ANO4: variants seen among roughly 807,000 people sequenced by gnomAD.
The protein encoded by ANO4 is anoctamin-4.
In ANO4, 69 loss-of-function variants were observed where a neutral mutation model predicts 141.9. The observed-to-expected ratio is 0.49, with a 90% confidence interval of 0.40 to 0.59. ANO4 has a LOEUF of 0.59. Among genes scored for constraint, ANO4 ranks in the 20% least tolerant of loss-of-function variants. ANO4 has a pLI of 0.00. For missense variants in ANO4, 894 were observed against 1,162.2 expected (o/e 0.77, Z 3.36); for synonymous variants, 350 against 394.3 (o/e 0.89, Z 1.33).
chr12:100,929,016 AT>A (rs1431669369), intron 3 of ANO4, among the ~76,000 whole-genome samples: 15 of 152,154 alleles, frequency 9.9e-5, no homozygotes, highest in Non-Finnish European at 1.3e-4. Flanking sequence ...GTATATATTT[AT>A]GGGGTACATG....
At chr12:101,067,404 G>T (rs1472640051) in intron 14 of ANO4, among the ~76,000 whole-genome samples, 3 of 152,164 alleles carry the variant, frequency 2.0e-5, no homozygotes, top group African/African-American at 7.2e-5. Context: ...TTTCTCAAAA[G>T]TGCTGAAGGA....
At chr12:100,806,539 T>C (rs1390349234) in intron 1 of ANO4, among the ~76,000 whole-genome samples, 13 of 44,852 alleles carry the variant, frequency 2.9e-4, no homozygotes, top group African/African-American at 1.7e-3. Flanking sequence ...TTTTTTTTTT[T>C]TTTTTTTTTT....
At chr12:100,962,205 A>G (rs757830014) in intron 5 of ANO4, among the ~76,000 whole-genome samples, 4 of 152,184 alleles carry the variant, frequency 2.6e-5, no homozygotes, top group Non-Finnish European at 5.9e-5. Flanking sequence ...GTGTTTTAAC[A>G]AGGTAATCAA....
At chr12:101,090,633 G>A (rs2049727536) in intron 17 of ANO4, among the ~76,000 whole-genome samples, 1 of 152,048 alleles carries the variant, frequency 6.6e-6, no homozygotes, top group East Asian at 1.9e-4. Context: ...AGCATTAGGA[G>A]ATATACCTAA....
At chr12:101,080,883 T>TATATATATATATATATATACATTATA (rs1491584060) in intron 15 of ANO4, among the ~76,000 whole-genome samples, 19 of 74,100 alleles carry the variant, frequency 2.6e-4, no homozygotes, top group African/African-American at 6.6e-4. Context: ...TATATATATA[T>TATATATATATATATATATACATTATA]TATATATATA....
Position 101,096,552 on chromosome 12 carries a change from G to A in ANO4, c.1755G>A (p.Glu585=). The A allele has an allele frequency of 6.2e-7, 1 of 1,613,542 alleles. No individual in the cohort carries two copies. The highest frequency in any genetic ancestry group is 8.5e-7 in the Non-Finnish European group (1 of 1,179,608). The change falls in exon 19 of 28, where the codon GAG becomes GAA. Residue 585 remains glutamate (E), a synonymous_variant. Transcript: ENST00000392977. ...TGTCCACAGAACAGCCTCGCACAGA[G>A]TCTGAGTGGGAGAACAGCTTCACCC... is the stretch of plus-strand genomic sequence containing the variant. The part of the protein sequence containing the change: ...LLTNLEQPRT[E]SEWENSFTLK...
At chr12:101,104,283 C>T (rs1325863075) in intron 22 of ANO4, among the ~76,000 whole-genome samples, 1 of 151,594 alleles carries the variant, frequency 6.6e-6, no homozygotes, top group Non-Finnish European at 1.5e-5. Flanking sequence ...CTTAATTTCA[C>T]TTTTTTTCTC....
rs561589470 is a variant in ANO4 at position 101,027,433 on chromosome 12, G to A, written c.841+7293G>A. Reference sequence around the variant, plus strand: ...TGGGGGAGGGGCAGCAGCCAGCACTGGGACTCATAACTGCCTGATAAGCTA... The same window carrying A: ...TGGGGGAGGGGCAGCAGCCAGCACTAGGACTCATAACTGCCTGATAAGCTA... On this transcript the variant is annotated intron_variant, in intron 9 of 27. Coordinates refer to ENST00000392977, the MANE Select transcript of ANO4 (RefSeq NM_001286615.2). Among the ~76,000 whole-genome samples, 318 of 152,302 alleles carry A rather than the reference G, an allele frequency of 2.1e-3. 2 individuals are homozygous for A. The highest frequency in any genetic ancestry group is 6.5e-3 in the African/African-American group (269 of 41,560).
intron 14 of ANO4, chr12:101,068,429 A>G: frequency 1.1e-6 from 1 of 921,476 alleles, no homozygotes. Flanking sequence ...CGCTGTTTTT[A>G]AGAAGACTGT....
intron 3 of ANO4, among the ~76,000 whole-genome samples, chr12:100,758,740 G>T (rs1285032616): frequency 6.6e-6 from 1 of 152,142 alleles, no homozygotes; most frequent in Non-Finnish European, 1.5e-5. Flanking sequence ...CAGTTCTGAA[G>T]GCCAGAAGTT....
chr12:101,080,865 G>GATATATATATATA (rs1746376331), intron 15 of ANO4, among the ~76,000 whole-genome samples: 2 of 109,374 alleles, frequency 1.8e-5, no homozygotes, highest in African/African-American at 6.6e-5. Flanking sequence ...CTAGGTTCTA[G>GATATATATATATA]ATATATATAT....
chr12:100,838,229 C>CAA (rs11331726), intron 1 of ANO4, among the ~76,000 whole-genome samples: 1,455 of 84,132 alleles, frequency 0.017, 48 homozygotes, highest in African/African-American at 0.059. Context: ...GACTCCGTCT[C>CAA]AAAAAAAAAA....
Position 101,096,661 on chromosome 12 carries a change from C to A in ANO4, c.1850+14C>A. 6.3e-7 allele frequency: 1 copy of A among 1,582,020 alleles called. No homozygotes were observed. Among genetic ancestry groups the A allele is most frequent in the Admixed American group, 1.7e-5 (1 of 59,892 alleles). The stretch of plus-strand genomic sequence containing the variant: ...CTTCCTCGGAAGGTAAGAACCTGAC[C>A]CCTGCACACCTCCCCAAGCTGAGGA... On this transcript the variant is annotated intron_variant, in intron 19 of 27. Coordinates refer to ENST00000392977, the MANE Select transcript of ANO4 (RefSeq NM_001286615.2).
intron 2 of ANO4, among the ~76,000 whole-genome samples, chr12:100,918,224 AG>A (rs1047771777): frequency 5.3e-5 from 8 of 152,086 alleles, no homozygotes; most frequent in Non-Finnish European, 1.0e-4. Flanking sequence ...GCTACTTGAG[AG>A]GTGAGGTGGG....
rs535734674 is a variant in ANO4 at position 100,913,975 on chromosome 12, G to A, written c.56-8251G>A. Among the ~76,000 whole-genome samples the A allele has an allele frequency of 1.3e-4, 20 of 152,316 alleles. No individual in the cohort carries two copies. The South Asian group carries it at 3.5e-3, about 27-fold the overall frequency. The stretch of plus-strand genomic sequence containing the variant: ...TGAGGCTGAAAATTGCACAGTTTCT[G>A]TTCTGTAACGCCTCCTAATCCTGAG... On this transcript the variant is annotated intron_variant, in intron 2 of 27. Coordinates refer to ENST00000392977, the MANE Select transcript of ANO4 (RefSeq NM_001286615.2).
intron 1 of ANO4, among the ~76,000 whole-genome samples, chr12:100,795,752 C>T (rs2034269604): frequency 6.6e-6 from 1 of 152,166 alleles, no homozygotes; most frequent in African/African-American, 2.4e-5. Flanking sequence ...ATAGTTTTGT[C>T]CTCCTGCTAG....
intron 3 of ANO4, among the ~76,000 whole-genome samples, chr12:100,741,137 G>A (rs2031845728): frequency 6.6e-6 from 1 of 152,162 alleles, no homozygotes; most frequent in Non-Finnish European, 1.5e-5. Flanking sequence ...TAAAATCTGA[G>A]TTGGAGGTTT....
intron 6 of ANO4, among the ~76,000 whole-genome samples, chr12:100,973,176 A>C (rs919571937): frequency 6.6e-6 from 1 of 152,228 alleles, no homozygotes; most frequent in African/African-American, 2.4e-5. Flanking sequence ...TTACCTACTA[A>C]ACATGGCTTC....
intron 1 of ANO4, among the ~76,000 whole-genome samples, chr12:100,900,573 A>G (rs117399276): frequency 0.064 from 9,734 of 151,862 alleles, 399 homozygotes; most frequent in African/African-American, 0.07. Context: ...CTGTCCGTCA[A>G]TGATAGACTG....
Sources: gnomAD v4.1 joint callset for allele counts (sites outside exome capture counted in the v4.1 genomes callset) on GRCh38, gnomAD v4.1.1 for gene constraint, MANE v1.5 for transcripts, NCBI Gene and HGNC (gene_info 2026-07-23, HGNC 2026-07-21) for gene names.